The following FBXO30 variants were observed in gnomAD, a reference collection of about 807,000 sequenced individuals.
FBXO30 encodes F-box only protein 30.
A neutral mutation model predicts 58.1 loss-of-function variants in FBXO30; 21 were observed. That is an observed-to-expected ratio of 0.36 (90% CI 0.26 to 0.52). The LOEUF (loss-of-function observed/expected upper bound fraction) is 0.52. FBXO30 is among the 20% of genes least tolerant of loss of function. The pLI is 0.93. For synonymous variants in FBXO30, 309 were observed against 312.4 expected (o/e 0.99, Z 0.11); for missense variants, 744 against 897.3 (o/e 0.83, Z 2.18).
intron 1 of FBXO30, among the ~76,000 whole-genome samples, chr6:145,813,580 G>C (rs775263699): frequency 6.6e-6 from 1 of 152,190 alleles, no homozygotes; most frequent in Non-Finnish European, 1.5e-5. Flanking sequence ...ACCTTAGTAT[G>C]AGCAAATGCA....
rs374826187 is a variant in FBXO30 at position 145,805,066 on chromosome 6, C to T, written c.1340G>A (p.Arg447His). The change falls in exon 2 of 3, where the codon CGC becomes CAC. Residue 447 changes from arginine to histidine, a missense_variant. Coordinates refer to ENST00000237281, the MANE Select transcript of FBXO30 (RefSeq NM_032145.5). ...GTCAATGTGATAAATATCAGCCATGCGGCTATCAGATATACCCCTCCCTCC... is the reference window on the plus strand; with the variant it reads ...GTCAATGTGATAAATATCAGCCATGTGGCTATCAGATATACCCCTCCCTCC... Reference protein sequence around the residue: ...SPGGRGISDSRMADIYHIDVG... With the variant: ...SPGGRGISDSHMADIYHIDVG... 42 of 1,613,946 alleles carry T rather than the reference C, an allele frequency of 2.6e-5. No homozygotes were observed. Among genetic ancestry groups the T allele is most frequent in the African/African-American group, 2.0e-4 (15 of 75,020 alleles).
At chr6:145,810,836 C>A (rs918363427) in intron 1 of FBXO30, among the ~76,000 whole-genome samples, 1 of 152,104 alleles carries the variant, frequency 6.6e-6, no homozygotes, top group African/African-American at 2.4e-5. Context: ...TAACCTGCTG[C>A]CTCCAGGCTG....
At chr6:145,801,124 G>C (rs1398565723) in intron 2 of FBXO30, among the ~76,000 whole-genome samples, 1 of 152,024 alleles carries the variant, frequency 6.6e-6, no homozygotes, top group African/African-American at 2.4e-5. Flanking sequence ...GAAACATAAA[G>C]CTACCTGAAC....
chr6:145,801,904 C>A (rs1778010439), intron 2 of FBXO30, among the ~76,000 whole-genome samples: 1 of 152,064 alleles, frequency 6.6e-6, no homozygotes, highest in Non-Finnish European at 1.5e-5. Flanking sequence ...AACTGAGAGT[C>A]TGGTGAAACA....
chr6:145,799,968 G>A lies in FBXO30; in HGVS notation c.*138C>T. 1.5e-6 allele frequency: 1 copy of A among 652,772 alleles called. No homozygotes were observed. 40.4% of individuals were successfully genotyped at this position (652,772 alleles called of 1,614,324 possible). On this transcript the variant is annotated 3_prime_UTR_variant, in exon 3 of 3. Coordinates refer to ENST00000237281, the MANE Select transcript of FBXO30 (RefSeq NM_032145.5). The stretch of plus-strand genomic sequence containing the variant: ...AACTAAACAGTACTTTATAAAAATA[G>A]ATGTCACTTCAAAACATTATATACA...
At chr6:145,803,997 A>G (rs1778085500) in intron 2 of FBXO30, among the ~76,000 whole-genome samples, 1 of 152,170 alleles carries the variant, frequency 6.6e-6, no homozygotes, top group Admixed American at 6.5e-5. Context: ...AATTACAAGC[A>G]GGAAAAAAAC....
At chr6:145,807,589 T>G (rs111399802) in intron 1 of FBXO30, among the ~76,000 whole-genome samples, 4 of 152,208 alleles carry the variant, frequency 2.6e-5, no homozygotes, top group African/African-American at 9.6e-5. Context: ...CTGAGAATTT[T>G]AAGCAGAGAA....
At position 145,793,724 on chromosome 6, in the gene FBXO30, C is replaced by A. The variant is rs1777813881; in HGVS notation, c.*6382G>T. On this transcript the variant is annotated 3_prime_UTR_variant, in exon 3 of 3. Transcript: ENST00000237281. ...AAAAAATAAACATTGACACAGAAGTCAATCACTCAGTCACAGAAGTTTTAA... is the reference window on the plus strand; with the variant it reads ...AAAAAATAAACATTGACACAGAAGTAAATCACTCAGTCACAGAAGTTTTAA... The A allele has an allele frequency of 6.6e-6, 1 of 151,934 alleles. No homozygotes were observed. Among genetic ancestry groups the A allele is most frequent in the South Asian group, 2.1e-4 (1 of 4,826 alleles). 9.4% of individuals were successfully genotyped at this position (151,934 alleles called of 1,614,324 possible).
At chr6:145,807,182 G>A (rs1778198580) in intron 1 of FBXO30, among the ~76,000 whole-genome samples, 1 of 150,328 alleles carries the variant, frequency 6.7e-6, no homozygotes, top group African/African-American at 2.5e-5. Flanking sequence ...GCAAGTCACA[G>A]TGCCTCCTCT....
intron 1 of FBXO30, among the ~76,000 whole-genome samples, chr6:145,813,801 C>T (rs753593884): frequency 6.6e-6 from 1 of 152,198 alleles, no homozygotes; most frequent in Non-Finnish European, 1.5e-5. Context: ...TCCCAAGCAT[C>T]TTTTATCTGG....
At position 145,798,259 on chromosome 6, in the gene FBXO30, A is replaced by C. The variant is rs983159045; in HGVS notation, c.*1847T>G. The C allele has an allele frequency of 2.0e-5, 3 of 152,070 alleles. No homozygotes were observed. The highest frequency in any genetic ancestry group is 4.4e-5 in the Non-Finnish European group (3 of 67,938). The allele number at this position is 152,070 out of a possible 1,614,324, so 9.4% of individuals were successfully genotyped here. A position where few individuals can be genotyped will look rare whatever the true frequency, so the allele number is the denominator to read the frequency against. On this transcript the variant is annotated 3_prime_UTR_variant, in exon 3 of 3. Transcript: ENST00000237281. ...TTTCACAAAGAAAACATTTTAACAA[A>C]ATGGTATGGTGGCATAACAATAACA...
At position 145,795,369 on chromosome 6, in the gene FBXO30, AACC is replaced by A. The variant is rs559765683; in HGVS notation, c.*4734_*4736del. On this transcript the variant is annotated 3_prime_UTR_variant, in exon 3 of 3. Coordinates refer to ENST00000237281, the MANE Select transcript of FBXO30 (RefSeq NM_032145.5). ...ACTTTCAAATACACGAAGAACTATT[AACC>A]ACCACAAGAACTAGCTACATATTGA... 1.6e-4 allele frequency: 24 copies of A among 152,012 alleles called. No homozygotes were observed. Among genetic ancestry groups the A allele is most frequent in the East Asian group, 7.7e-4 (4 of 5,178 alleles). 9.4% of individuals were successfully genotyped at this position (152,012 alleles called of 1,614,324 possible).
chr6:145,812,797 T>A (rs1300955634), intron 1 of FBXO30, among the ~76,000 whole-genome samples: 1 of 152,156 alleles, frequency 6.6e-6, no homozygotes, highest in African/African-American at 2.4e-5. Flanking sequence ...GTATCTAACA[T>A]CTAGCTACCT....
rs1235250897 is a variant in FBXO30 at position 145,793,961 on chromosome 6, C to A, written c.*6145G>T. The A allele has an allele frequency of 6.6e-6, 1 of 151,946 alleles. No homozygotes were observed. The highest frequency in any genetic ancestry group is 1.5e-5 in the Non-Finnish European group (1 of 67,868). 9.4% of individuals were successfully genotyped at this position (151,946 alleles called of 1,614,324 possible). Reference sequence around the variant, plus strand: ...TGGTAATGATTGCAAATATCAAATTCTTTTCTTTTTAATTGTAATAAAATA... The same window carrying A: ...TGGTAATGATTGCAAATATCAAATTATTTTCTTTTTAATTGTAATAAAATA... On this transcript the variant is annotated 3_prime_UTR_variant, in exon 3 of 3. Coordinates refer to ENST00000237281, the MANE Select transcript of FBXO30 (RefSeq NM_032145.5).
Position 145,806,258 on chromosome 6 carries a change from G to A in FBXO30, c.148C>T (p.Arg50Ter). The change falls in exon 2 of 3, where the codon CGA (arginine) becomes TGA (stop). Residue 50 changes from arginine (R) to a stop codon, truncating the protein, a stop_gained. Coordinates refer to ENST00000237281, the MANE Select transcript of FBXO30 (RefSeq NM_032145.5). LOFTEE classifies it high-confidence loss of function. ...VFHSCKADEH[R>*]LLCPFERVPC... is the part of the protein sequence containing the mutation. ...ACTCGTTCAAATGGACATAAAAGTC[G>A]ATGCTCATCAGCTTTACAAGAATGG... 2 of 1,613,996 alleles carry A rather than the reference G, an allele frequency of 1.2e-6. No individual in the cohort carries two copies. The highest frequency in any genetic ancestry group is 1.7e-6 in the Non-Finnish European group (2 of 1,179,982).
chr6:145,805,550 C>T lies in FBXO30; in HGVS notation c.856G>A (p.Gly286Ser), dbSNP rs758347760. ...GTACATATATTTTCCAAAGGAAAGC[C>T]ATTACAAAGAGCAGAAGTGTCATAA... ...SSYDTSALCN[G>S]FPLENICTQV... is the part of the protein sequence containing the mutation. The change falls in exon 2 of 3, where the codon GGC becomes AGC. Residue 286 changes from glycine (G) to serine (S), a missense_variant. Around this residue, in one of 3 missense-constraint regions of FBXO30, gnomAD observed 275 missense variants for 262.0 expected, o/e 1.05. Transcript: ENST00000237281. 1 of 1,609,026 alleles carries T rather than the reference C, an allele frequency of 6.2e-7. No homozygotes were observed.
Position 145,804,970 on chromosome 6 carries a change from G to GAAGCTA in FBXO30, c.1430_1435dup (p.Ala478_Ser479insLeuAla). 1 of 1,613,924 alleles carries GAAGCTA rather than the reference G, an allele frequency of 6.2e-7. No homozygotes were observed. Among genetic ancestry groups the GAAGCTA allele is most frequent in the Non-Finnish European group, 8.5e-7 (1 of 1,179,920 alleles). On this transcript the variant is annotated inframe_insertion, in exon 2 of 3. Coordinates refer to ENST00000237281, the MANE Select transcript of FBXO30 (RefSeq NM_032145.5). The stretch of plus-strand genomic sequence containing the variant: ...ATTGGCATGATCACAAGCTGAAGCT[G>GAAGCTA]AAGCTATCTCCCCAACCATTGTACT...
At chr6:145,803,471 C>G (rs1261148415) in intron 2 of FBXO30, among the ~76,000 whole-genome samples, 1 of 152,026 alleles carries the variant, frequency 6.6e-6, no homozygotes, top group African/African-American at 2.4e-5. Flanking sequence ...ATAAAGTAAC[C>G]AGAGTTTGAA....
At chr6:145,806,903 CTTTT>C (rs201415933) in intron 1 of FBXO30, among the ~76,000 whole-genome samples, 3 of 152,052 alleles carry the variant, frequency 2.0e-5, no homozygotes, top group Admixed American at 6.5e-5. Flanking sequence ...TCTTAGAAGT[CTTTT>C]TTTATTCCTT....
Sources: allele counts gnomAD v4.1 joint callset (sites outside exome capture counted in the v4.1 genomes callset), GRCh38; gene constraint gnomAD v4.1.1; regional missense constraint gnomAD v4.1.1; transcripts MANE v1.5; gene names NCBI Gene and HGNC (gene_info 2026-07-23, HGNC 2026-07-21).